NPEPL1: variants seen among roughly 807,000 people sequenced by gnomAD.
NPEPL1 encodes aminopeptidase like 1.
NPEPL1 carries 45 observed loss-of-function variants against 52.4 expected under a neutral mutation model. That is an observed-to-expected ratio of 0.86 (90% CI 0.68 to 1.10). The LOEUF (loss-of-function observed/expected upper bound fraction) is 1.10, where lower values mean the gene tolerates loss of function less well. Among genes scored for constraint, NPEPL1 ranks in the 50% least tolerant of loss-of-function variants. The pLI, the probability that NPEPL1 is intolerant of heterozygous loss-of-function variation, is 0.00. For synonymous variants in NPEPL1, 360 were observed against 314.7 expected, an observed-to-expected ratio of 1.14 and a Z score of -1.52; for missense variants, 696 against 710.9, an observed-to-expected ratio of 0.98 and a Z score of 0.24.
rs867094275 is a variant in NPEPL1 at position 58,701,075 on chromosome 20, A to G, written c.739A>G (p.Thr247Ala). 1 of 1,595,172 alleles carries G rather than the reference A, an allele frequency of 6.3e-7. No individual in the cohort carries two copies. Among genetic ancestry groups the G allele is most frequent in the South Asian group, 1.1e-5 (1 of 87,396 alleles). The change falls in exon 6 of 12, where the codon ACC (threonine) becomes GCC (alanine). Residue 247 changes from threonine (T) to alanine (A), a missense_variant. By Grantham distance (58) the Thr-to-Ala change is moderately conservative (BLOSUM62 0). Transcript: ENST00000356091. ...HPPALAVLSH[T>A]PDGATQTIAW... Reference sequence around the variant, plus strand: ...CCCAGCCCTGGCCGTCCTCAGCCACACCCCAGATGGAGCCACGCAGACCAT... The same window carrying G: ...CCCAGCCCTGGCCGTCCTCAGCCACGCCCCAGATGGAGCCACGCAGACCAT...
upstream of NPEPL1, chr20:58,691,710 T>TTTTC: frequency 1.4e-6 from 1 of 702,640 alleles, no homozygotes; most frequent in Non-Finnish European, 2.2e-6. Context: ...TTTTTTTTTT[T>TTTTC]TTTTCATTTT....
At chr20:58,689,860 G>C (rs1015372642), upstream of NPEPL1, among the ~76,000 whole-genome samples, 3 of 151,946 alleles carry the variant, frequency 2.0e-5, no homozygotes, top group African/African-American at 7.3e-5. Flanking sequence ...CGTCCCCAAA[G>C]CCTCACGGGT....
Position 58,712,523 on chromosome 20 carries a change from C to G in NPEPL1, c.945C>G (p.Asn315Lys). 1 of 1,613,770 alleles carries G rather than the reference C, an allele frequency of 6.2e-7. No individual in the cohort carries two copies. Among genetic ancestry groups the G allele is most frequent in the Non-Finnish European group, 8.5e-7 (1 of 1,179,854 alleles). Residue 315 changes from asparagine (N) to lysine (K), a missense_variant, in exon 8 of 12, where the codon AAC becomes AAG. Physicochemically the swap from Asn to Lys is moderately conservative, Grantham distance 94 (BLOSUM62 0). Transcript: ENST00000356091. ...NLHAVFCLAE[N>K]SVGPNATRPD... ...ACGCTGTGTTCTGCTTGGCTGAGAA[C>G]TCGGTGGGGCCCAATGCGACAAGGC...
chr20:58,692,303 C>T, upstream of NPEPL1: 1 of 165,108 alleles, frequency 6.1e-6, no homozygotes, highest in Non-Finnish European at 1.3e-5. The surrounding 1 kb of genome is among the most constrained non-coding windows in gnomAD (Gnocchi z 5.7). Flanking sequence ...ACCGTCCACG[C>T]TGTACCCACC....
chr20:58,692,179 C>T (rs1336704961), upstream of NPEPL1: 4 of 351,626 alleles, frequency 1.1e-5, no homozygotes, highest in African/African-American at 4.1e-5. The surrounding 1 kb of genome is among the most constrained non-coding windows in gnomAD (Gnocchi z 5.7). Flanking sequence ...ATCCCAGCAG[C>T]AGTGCCCTGG....
rs1468672974 is a variant in NPEPL1, at chr20:58,692,870, G to A, written c.-31G>A. ...GCCGAGCGGCGGGCCGGGCCGGGCC[G>A]GGCAGGGCCGGGGCGTGGGCCGGCA... On this transcript the variant is annotated 5_prime_UTR_variant, in exon 1 of 12. Transcript: ENST00000356091. This position sits in a 1 kb window ranked among gnomAD's most constrained non-coding sequence, Gnocchi z 5.7. 2.0e-6 allele frequency: 2 copies of A among 1,012,426 alleles called. No homozygotes were observed. Among genetic ancestry groups the A allele is most frequent in the Non-Finnish European group, 1.2e-6 (1 of 847,614 alleles). 62.7% of individuals were successfully genotyped at this position (1,012,426 alleles called of 1,614,324 possible). A position where few individuals can be genotyped will look rare whatever the true frequency, so the allele number is the denominator to read the frequency against.
chr20:58,700,758 A>AT (rs3215808), intron 5 of NPEPL1, among the ~76,000 whole-genome samples: 4,397 of 152,198 alleles, frequency 0.029, 94 homozygotes, highest in Middle Eastern at 0.065. Flanking sequence ...AGGATACAAT[A>AT]TTTTTTTCCC....
At chr20:58,700,789 A>G (rs1052067269) in intron 5 of NPEPL1, among the ~76,000 whole-genome samples, 1 of 152,230 alleles carries the variant, frequency 6.6e-6, no homozygotes, top group Non-Finnish European at 1.5e-5. Context: ...TTCTTGCTTA[A>G]CAAACAACAC....
At position 58,712,461 on chromosome 20, in the gene NPEPL1, G is replaced by A. The variant is rs551184866; in HGVS notation, c.901-18G>A. 8 of 1,583,316 alleles carry A rather than the reference G, an allele frequency of 5.1e-6. No homozygotes were observed. The South Asian group carries it at 6.6e-5, about 13-fold the overall frequency. On this transcript the variant is annotated intron_variant, in intron 7 of 11. Coordinates refer to ENST00000356091, the MANE Select transcript of NPEPL1 (RefSeq NM_024663.4). ...CCTATGACCTACAACTGGAGCCTCT[G>A]CCCACTTCTCCCTCCAGGGTTTCAA...
Position 58,701,988 on chromosome 20 carries a change from G to A in NPEPL1, c.822+830G>A, listed in dbSNP as rs183940717. Among the ~76,000 whole-genome samples, 80 of 152,270 alleles carry A rather than the reference G, an allele frequency of 5.3e-4. 1 individual carries two copies. In the South Asian group the frequency reaches 7.7e-3, roughly 15 times the overall value. On this transcript the variant is annotated intron_variant, in intron 6 of 11. Transcript: ENST00000356091. ...TCTCCATCCATTCATCCTACACACC[G>A]TGTGAGCAGCCTCTGTGCTCAGGCC...
upstream of NPEPL1, chr20:58,691,587 G>T (rs1046651137): frequency 3.2e-6 from 2 of 630,766 alleles, no homozygotes; most frequent in Admixed American, 2.9e-5. Flanking sequence ...TGTGGCTCCC[G>T]GGGCTACAAG....
intron 2 of NPEPL1, 84 bp downstream of exon 2, chr20:58,694,006 AGACTGCAGCGCACGCCCAGAGGGC>A: frequency 7.5e-7 from 1 of 1,329,742 alleles, no homozygotes; most frequent in Non-Finnish European, 1.0e-6. Flanking sequence ...AGCCCTGCTC[AGACTGCAGCGCACGCCCAGAGGGC>A]TGTGGACGTT....
rs569654307 is a variant in NPEPL1 at position 58,715,246 on chromosome 20, C to G, written c.1492C>G (p.Leu498Val). The G allele has an allele frequency of 6.2e-7, 1 of 1,610,590 alleles. No homozygotes were observed. The highest frequency in any genetic ancestry group is 8.5e-7 in the Non-Finnish European group (1 of 1,179,270). ...TGCCTCTGAGGACCCTCTGCTGAACCTGGTGTCCCCACTGGGCTGTGAGGT... is the reference window on the plus strand; with the variant it reads ...TGCCTCTGAGGACCCTCTGCTGAACGTGGTGTCCCCACTGGGCTGTGAGGT... ...GRASEDPLLN[L>V]VSPLGCEVDV... Residue 498 changes from leucine (L) to valine (V), a missense_variant, in exon 12 of 12, where the codon CTG becomes GTG. Leu to Val is a conservative substitution (Grantham distance 32). Transcript: ENST00000356091.
chr20:58,696,375 A>G (rs1479462274), intron 3 of NPEPL1, among the ~76,000 whole-genome samples: 1 of 152,154 alleles, frequency 6.6e-6, no homozygotes, highest in African/African-American at 2.4e-5. Context: ...AACCATCACT[A>G]CTAGACATGT....
At chr20:58,709,333 A>G (rs1294265789) in intron 7 of NPEPL1, among the ~76,000 whole-genome samples, 1 of 152,146 alleles carries the variant, frequency 6.6e-6, no homozygotes, top group African/African-American at 2.4e-5. Flanking sequence ...AGGGTAATGC[A>G]TTTACCCAGA....
intron 8 of NPEPL1, 73 bp downstream of exon 8, chr20:58,712,652 T>A: frequency 9.3e-7 from 1 of 1,072,766 alleles, no homozygotes; most frequent in Non-Finnish European, 1.4e-6. Flanking sequence ...CAATGCCAGC[T>A]CACTCCAGGC....
upstream of NPEPL1, chr20:58,692,063 T>C: frequency 1.7e-6 from 1 of 575,514 alleles, no homozygotes. The surrounding 1 kb of genome is among the most constrained non-coding windows in gnomAD (Gnocchi z 5.7). Context: ...TCGTCTCATC[T>C]CGTCCCTCCT....
upstream of NPEPL1, chr20:58,692,083 A>C: frequency 1.9e-6 from 1 of 524,770 alleles, no homozygotes; most frequent in East Asian, 3.1e-5. This position sits in a 1 kb window ranked among gnomAD's most constrained non-coding sequence, Gnocchi z 5.7. Context: ...TTTCCTGCTT[A>C]GACTGTGCCA....
chr20:58,691,710 T>TTC, upstream of NPEPL1: 4 of 702,638 alleles, frequency 5.7e-6, no homozygotes, highest in South Asian at 2.0e-5. Flanking sequence ...TTTTTTTTTT[T>TTC]TTTTCATTTT....
Sources: gnomAD v4.1 joint callset for allele counts (sites outside exome capture counted in the v4.1 genomes callset) on GRCh38, gnomAD v4.1.1 for gene constraint, Gnocchi (gnomAD v3.1) non-coding constraint, MANE v1.5 for transcripts, NCBI Gene and HGNC (gene_info 2026-07-23, HGNC 2026-07-21) for gene names.